PARD3B: variants seen among roughly 807,000 people sequenced by gnomAD.
PARD3B encodes par-3 family cell polarity regulator beta.
PARD3B carries 103 observed loss-of-function variants against 130.2 expected under a neutral mutation model. That is an observed-to-expected ratio of 0.79 (90% CI 0.67 to 0.93). The LOEUF (loss-of-function observed/expected upper bound fraction) is 0.93. Ranked by LOEUF, PARD3B falls within the 40% of genes least tolerant of loss-of-function variation. PARD3B has a pLI of 0.00. For synonymous variants in PARD3B, 583 were observed against 553.2 expected, an observed-to-expected ratio of 1.05 and a Z score of -0.76; for missense variants, 1,609 against 1,499.2, an observed-to-expected ratio of 1.07 and a Z score of -1.21.
At chr2:204,875,911 A>G (rs1300684512) in intron 2 of PARD3B, among the ~76,000 whole-genome samples, 1 of 152,198 alleles carries the variant, frequency 6.6e-6, no homozygotes, top group Admixed American at 6.5e-5. Context: ...TCGGGTTCTC[A>G]CTGGGGACCT....
intron 2 of PARD3B, among the ~76,000 whole-genome samples, chr2:204,964,543 A>T (rs1691055490): frequency 6.6e-6 from 1 of 152,222 alleles, no homozygotes. Flanking sequence ...ACCAGTCAAC[A>T]CAGAGTCAGT....
Position 205,313,768 on chromosome 2 carries a change from A to T in PARD3B, c.2630+12067A>T, listed in dbSNP as rs563880321. Among the ~76,000 whole-genome samples, 8 of 152,328 alleles carry T rather than the reference A, an allele frequency of 5.3e-5. No individual in the cohort carries two copies. The East Asian group carries it at 1.5e-3, about 29-fold the overall frequency. On this transcript the variant is annotated intron_variant, in intron 18 of 22. Transcript: ENST00000406610. Reference sequence around the variant, plus strand: ...AGGTTTAGATTTGTTAACAGATCAGAACAGAAGTCCAGTGGATAAAATATT... The same window carrying T: ...AGGTTTAGATTTGTTAACAGATCAGTACAGAAGTCCAGTGGATAAAATATT...
chr2:205,029,255 A>G (rs1231428254), intron 3 of PARD3B, among the ~76,000 whole-genome samples: 1 of 152,126 alleles, frequency 6.6e-6, no homozygotes, highest in African/African-American at 2.4e-5. Flanking sequence ...GCCTTTCTCC[A>G]CTATTCACCA....
intron 11 of PARD3B, among the ~76,000 whole-genome samples, chr2:205,171,279 C>T (rs2035160500): frequency 6.6e-6 from 1 of 152,162 alleles, no homozygotes; most frequent in African/African-American, 2.4e-5. Context: ...GTCTGGCTGT[C>T]AACATTTCAA....
chr2:205,206,341 T>C (rs2037306155), intron 15 of PARD3B, among the ~76,000 whole-genome samples: 1 of 151,318 alleles, frequency 6.6e-6, no homozygotes, highest in Non-Finnish European at 1.5e-5. Context: ...GCATTAGGTA[T>C]ATCTCCCGAT....
intron 20 of PARD3B, among the ~76,000 whole-genome samples, chr2:205,489,156 C>T (rs1017958636): frequency 1.3e-5 from 2 of 151,990 alleles, no homozygotes; most frequent in Non-Finnish European, 2.9e-5. Flanking sequence ...CCAAAATTAT[C>T]GTATTAAACA....
At chr2:205,404,716 C>A (rs1324254087) in intron 19 of PARD3B, among the ~76,000 whole-genome samples, 1 of 151,974 alleles carries the variant, frequency 6.6e-6, no homozygotes, top group Non-Finnish European at 1.5e-5. Context: ...TCTCGCGCTA[C>A]GTTGTACAGA....
chr2:205,527,734 A>C (rs1441759152), intron 21 of PARD3B, among the ~76,000 whole-genome samples: 1 of 152,150 alleles, frequency 6.6e-6, no homozygotes, highest in Non-Finnish European at 1.5e-5. Flanking sequence ...ATTATCATAG[A>C]GAGTACATAC....
intron 19 of PARD3B, among the ~76,000 whole-genome samples, chr2:205,427,121 T>C (rs906209571): frequency 1.3e-5 from 2 of 152,222 alleles, no homozygotes; most frequent in African/African-American, 4.8e-5. Context: ...ATGCACTCTG[T>C]TGATGAGACT....
rs79655647 is a variant in PARD3B, at chr2:204,706,754, A to G, written c.222+20472A>G. 2.7e-3 allele frequency among the ~76,000 whole-genome samples: 410 copies of G among 152,274 alleles called. 5 individuals carry two copies. The highest frequency in any genetic ancestry group is 9.5e-3 in the African/African-American group (396 of 41,570). ...AGAATTGGAAATTTTTTTGATTTTT[A>G]GGTAAGTAGTAGATGCATCTACTAC... On this transcript the variant is annotated intron_variant, in intron 2 of 22. Transcript: ENST00000406610.
chr2:204,731,637 T>A (rs1050128004), intron 2 of PARD3B, among the ~76,000 whole-genome samples: 1 of 152,156 alleles, frequency 6.6e-6, no homozygotes, highest in South Asian at 2.1e-4. Flanking sequence ...GGAGACCTTA[T>A]TAATAGAATC....
chr2:205,111,900 T>A (rs969747742), intron 5 of PARD3B, among the ~76,000 whole-genome samples: 1 of 152,122 alleles, frequency 6.6e-6, no homozygotes, highest in African/African-American at 2.4e-5. Context: ...CTTCCACAAA[T>A]GCCTAAAAAT....
intron 1 of PARD3B, among the ~76,000 whole-genome samples, chr2:204,587,694 G>T (rs574454830): frequency 1.3e-5 from 2 of 152,098 alleles, no homozygotes; most frequent in Admixed American, 6.6e-5. Flanking sequence ...ATCTTGATTG[G>T]TTTTTTATTT....
intron 21 of PARD3B, among the ~76,000 whole-genome samples, chr2:205,526,902 A>T (rs2051363999): frequency 6.6e-6 from 1 of 152,102 alleles, no homozygotes; most frequent in Non-Finnish European, 1.5e-5. Flanking sequence ...GTAATTTTAA[A>T]ATCATTTAAA....
intron 3 of PARD3B, among the ~76,000 whole-genome samples, chr2:204,980,883 G>C (rs954808958): frequency 6.6e-6 from 1 of 152,170 alleles, no homozygotes. Flanking sequence ...TCGTGGAAAA[G>C]CTGGTGAAAT....
chr2:205,270,612 T>C (rs1008788963), intron 16 of PARD3B, among the ~76,000 whole-genome samples: 3 of 151,836 alleles, frequency 2.0e-5, no homozygotes, highest in Non-Finnish European at 2.9e-5. Flanking sequence ...CACCCTACTA[T>C]TGGTGACATA....
intron 21 of PARD3B, among the ~76,000 whole-genome samples, chr2:205,520,775 T>TTA (rs1319495636): frequency 4.6e-5 from 7 of 152,116 alleles, no homozygotes; most frequent in Admixed American, 1.3e-4. Flanking sequence ...TTTACTTTGT[T>TTA]ATATTTTGAA....
rs867841340 is a variant in PARD3B at position 204,545,857 on chromosome 2, G to A, written c.-143G>A. 7.2e-5 allele frequency: 64 copies of A among 886,894 alleles called. No individual in the cohort carries two copies. In the African/African-American group the frequency reaches 9.6e-4, roughly 13 times the overall value. The allele number at this position is 886,894 out of a possible 1,614,324, so 54.9% of individuals were successfully genotyped here. A position where few individuals can be genotyped will look rare whatever the true frequency, so the allele number is the denominator to read the frequency against. ...CCAGGTGGAAGGGGCGCTGCCGCGA[G>A]CCTCCGGGCCTCAGGGTGTTCCGGG... On this transcript the variant is annotated 5_prime_UTR_variant, in exon 1 of 23. Coordinates refer to ENST00000406610, the MANE Select transcript of PARD3B (RefSeq NM_001302769.2).
chr2:205,110,988 A>T (rs1703605193), intron 5 of PARD3B, among the ~76,000 whole-genome samples: 1 of 152,094 alleles, frequency 6.6e-6, no homozygotes, highest in Non-Finnish European at 1.5e-5. Context: ...CAACTCCATC[A>T]CGTATTTCTA....
Sources: gnomAD v4.1 joint callset for allele counts (sites outside exome capture counted in the v4.1 genomes callset) on GRCh38, gnomAD v4.1.1 for gene constraint, MANE v1.5 for transcripts, NCBI Gene and HGNC (gene_info 2026-07-23, HGNC 2026-07-21) for gene names.